DYNLT5: variants seen among roughly 807,000 people sequenced by gnomAD.
DYNLT5 encodes the protein dynein light chain Tctex-type 5.
In DYNLT5, 25 loss-of-function variants were observed where a neutral mutation model predicts 19.3. The ratio of observed to expected loss-of-function variants is 1.30; its 90% CI spans 0.95 to 1.81. The LOEUF (loss-of-function observed/expected upper bound fraction) is 1.81. Ranked by LOEUF, DYNLT5 falls within the 40% of genes most tolerant of loss-of-function variation. The pLI is 0.00. For synonymous variants in DYNLT5, 82 were observed against 68.9 expected, an observed-to-expected ratio of 1.19 and a Z score of -0.94; for missense variants, 232 against 217.9, an observed-to-expected ratio of 1.06 and a Z score of -0.41.
intron 4 of DYNLT5, 113 bp downstream of exon 4, chr1:66,776,516 C>A (rs551849387): frequency 6.2e-6 from 8 of 1,289,940 alleles, no homozygotes; most frequent in African/African-American, 6.1e-5. Context: ...AGTTAAAATG[C>A]GTATTTATAA....
At chr1:66,756,925 C>T (rs1037440393) in intron 2 of DYNLT5, among the ~76,000 whole-genome samples, 9 of 152,206 alleles carry the variant, frequency 5.9e-5, no homozygotes, top group Non-Finnish European at 1.3e-4. Flanking sequence ...TACACTATTC[C>T]CCTGGCTTTC....
At chr1:66,765,066 G>T (rs1239960078) in intron 2 of DYNLT5, among the ~76,000 whole-genome samples, 1 of 152,152 alleles carries the variant, frequency 6.6e-6, no homozygotes, top group African/African-American at 2.4e-5. Context: ...CACTGTGCCT[G>T]ACATGTTGTG....
chr1:66,775,781 A>G (rs1444435930), intron 3 of DYNLT5, among the ~76,000 whole-genome samples: 1 of 152,192 alleles, frequency 6.6e-6, no homozygotes, highest in East Asian at 1.9e-4. Flanking sequence ...AAAGAGCAAG[A>G]GTAAGGACAC....
intron 2 of DYNLT5, among the ~76,000 whole-genome samples, chr1:66,758,042 C>T (rs2094639454): frequency 6.6e-6 from 1 of 152,178 alleles, no homozygotes; most frequent in Admixed American, 6.5e-5. Context: ...ATGTTATTAT[C>T]TCCCCCATTC....
At chr1:66,752,636 G>A (rs1284935076) in intron 1 of DYNLT5, 52 bp downstream of exon 1, 1 of 973,368 alleles carries the variant, frequency 1.0e-6, no homozygotes, top group African/African-American at 1.8e-5. Flanking sequence ...AAGGATAGGG[G>A]GCAAGGGATC....
At chr1:66,769,988 A>G (rs920411063) in intron 2 of DYNLT5, among the ~76,000 whole-genome samples, 2 of 152,078 alleles carry the variant, frequency 1.3e-5, no homozygotes, top group Non-Finnish European at 2.9e-5. Context: ...AAGCTTCCTC[A>G]TATGTCCCCC....
chr1:66,758,560 A>T (rs2094640526), intron 2 of DYNLT5, among the ~76,000 whole-genome samples: 1 of 152,224 alleles, frequency 6.6e-6, no homozygotes, highest in Admixed American at 6.5e-5. Context: ...CACTGATGGC[A>T]TCTAACATAC....
At chr1:66,768,699 T>C (rs1231913057) in intron 2 of DYNLT5, 1 of 152,238 alleles carries the variant, frequency 6.6e-6, no homozygotes, top group Non-Finnish European at 1.5e-5. Flanking sequence ...TCCATGAATT[T>C]TTAATATGGT....
chr1:66,764,046 G>A (rs991120982), intron 2 of DYNLT5, among the ~76,000 whole-genome samples: 2 of 152,048 alleles, frequency 1.3e-5, no homozygotes, highest in Non-Finnish European at 2.9e-5. Context: ...AAATTAGCCA[G>A]GTGTGGTGGT....
chr1:66,755,029 A>G (rs550513704), intron 2 of DYNLT5, among the ~76,000 whole-genome samples: 2 of 152,290 alleles, frequency 1.3e-5, no homozygotes, highest in South Asian at 4.1e-4. Flanking sequence ...AAGAAACACC[A>G]CATGCAATGT....
chr1:66,773,200 A>G (rs1487176968), intron 3 of DYNLT5, among the ~76,000 whole-genome samples: 1 of 152,164 alleles, frequency 6.6e-6, no homozygotes, highest in Non-Finnish European at 1.5e-5. Context: ...GTTGTTTGCA[A>G]ACATGGACTG....
intron 3 of DYNLT5, 102 bp from the exon 4 acceptor site, chr1:66,776,177 A>G: frequency 6.9e-7 from 1 of 1,449,924 alleles, no homozygotes; most frequent in Non-Finnish European, 9.2e-7. Context: ...CACCCAGAAG[A>G]TTAAATCCCT....
intron 2 of DYNLT5, among the ~76,000 whole-genome samples, chr1:66,761,350 C>A (rs2094645644): frequency 6.6e-6 from 1 of 152,128 alleles, no homozygotes; most frequent in African/African-American, 2.4e-5. Flanking sequence ...TCCTTTATTG[C>A]TAAAAATGCT....
intron 2 of DYNLT5, among the ~76,000 whole-genome samples, chr1:66,761,348 T>C (rs753458003): frequency 3.3e-5 from 5 of 152,242 alleles, no homozygotes; most frequent in Non-Finnish European, 7.3e-5. Context: ...AATCCTTTAT[T>C]GCTAAAAATG....
Position 66,754,766 on chromosome 1 carries a change from G to T in DYNLT5, c.108G>T (p.Gly36=). The change falls in exon 2 of 5, where the codon GGG becomes GGT. Residue 36 remains glycine, a synonymous_variant. Transcript: ENST00000282670. ...AATTTTGGCGAAAGGAAATTCATGG[G>T]CGCATCAAAGAGTGAGTAACTGTCT... ...NHEFWRKEIH[G]RIKDSMSTVS... 1 of 1,611,906 alleles carries T rather than the reference G, an allele frequency of 6.2e-7. No individual in the cohort carries two copies.
chr1:66,773,717 T>A (rs1482960579), intron 3 of DYNLT5, among the ~76,000 whole-genome samples: 1 of 152,214 alleles, frequency 6.6e-6, no homozygotes, highest in Non-Finnish European at 1.5e-5. Flanking sequence ...ATACATTAAG[T>A]AAACTTATCT....
intron 2 of DYNLT5, among the ~76,000 whole-genome samples, chr1:66,765,640 C>CTTTTTTTTTTTT (rs11399958): frequency 7.2e-6 from 1 of 138,750 alleles, no homozygotes; most frequent in Non-Finnish European, 1.6e-5. Context: ...TTTTCTTTTT[C>CTTTTTTTTTTTT]TTTTTTTTTT....
At chr1:66,770,905 T>G in intron 3 of DYNLT5, 1 of 230,836 alleles carries the variant, frequency 4.3e-6, no homozygotes, top group South Asian at 5.8e-5. Flanking sequence ...ACAGAGACGT[T>G]TATCCATTAC....
chr1:66,756,278 T>C (rs115696165), intron 2 of DYNLT5, among the ~76,000 whole-genome samples: 364 of 152,306 alleles, frequency 2.4e-3, no homozygotes, highest in Non-Finnish European at 3.9e-3. Context: ...AAATAGCAAA[T>C]GATCAGCTTC....
Sources: allele counts gnomAD v4.1 joint callset (sites outside exome capture counted in the v4.1 genomes callset), GRCh38; gene constraint gnomAD v4.1.1; transcripts MANE v1.5; gene names NCBI Gene and HGNC (gene_info 2026-07-23, HGNC 2026-07-21).